DDOST: variants seen among roughly 807,000 people sequenced by gnomAD.
DDOST encodes dolichyl-diphosphooligosaccharide--protein glycosyltransferase non-catalytic subunit.
DDOST carries 25 observed loss-of-function variants against 47.6 expected under a neutral mutation model. The observed-to-expected ratio is 0.53, with a 90% confidence interval of 0.38 to 0.73. DDOST has a LOEUF of 0.73. DDOST is among the 30% of genes least tolerant of loss of function. The pLI, the probability that DDOST is intolerant of heterozygous loss-of-function variation, is 0.00. For missense variants in DDOST, 526 were observed against 573.9 expected (o/e 0.92, Z 0.85); for synonymous variants, 275 against 236.0 (o/e 1.17, Z -1.51).
chr1:20,655,511 A>G lies in DDOST; in HGVS notation c.480T>C (p.Thr160=). ...TGGTTGGGGCCTTCAGCAGGTTCTCAGTGTCAGCCACGATGAGCGTATGCT... is the reference window on the plus strand; with the variant it reads ...TGGTTGGGGCCTTCAGCAGGTTCTCGGTGTCAGCCACGATGAGCGTATGCT... ...LGQHTLIVAD[T]ENLLKAPTIV... The change falls in exon 5 of 11, where the codon ACT becomes ACC. Residue 160 remains threonine, a synonymous_variant. Transcript: ENST00000602624. The G allele has an allele frequency of 6.2e-7, 1 of 1,614,052 alleles. No homozygotes were observed. The highest frequency in any genetic ancestry group is 8.5e-7 in the Non-Finnish European group (1 of 1,179,962).
chr1:20,652,960 G>C lies in DDOST; in HGVS notation c.954C>G (p.Ile318Met). The stretch of plus-strand genomic sequence containing the variant: ...TGCCATTTGAGAGCTGCTGGATCAC[G>C]ATGCTATACTCCTGAGATAAAAGGC... ...YTVTDLVEYS[I>M]VIQQLSNGKW... Residue 318 changes from isoleucine (I) to methionine (M), a missense_variant, in exon 9 of 11, where the codon ATC becomes ATG. Coordinates refer to ENST00000602624, the MANE Select transcript of DDOST (RefSeq NM_005216.5). 5.0e-6 allele frequency: 8 copies of C among 1,614,198 alleles called. No homozygotes were observed. The highest frequency in any genetic ancestry group is 6.8e-6 in the Non-Finnish European group (8 of 1,180,038).
chr1:20,651,847 CAG>C lies in DDOST; in HGVS notation c.*530_*531del, dbSNP rs1491459600. Reference sequence around the variant, plus strand: ...TTTATTTATTTATTTATATTTGAGACAGAGTCTTAACACTGTTGCCCAGGCTG... The same window carrying C: ...TTTATTTATTTATTTATATTTGAGACAGTCTTAACACTGTTGCCCAGGCTG... On this transcript the variant is annotated 3_prime_UTR_variant, in exon 11 of 11. Transcript: ENST00000602624. The C allele has an allele frequency of 8.0e-6, 1 of 125,022 alleles. No homozygotes were observed. Among genetic ancestry groups the C allele is most frequent in the East Asian group, 3.0e-4 (1 of 3,344 alleles). The allele number at this position is 125,022 out of a possible 1,614,324, so 7.7% of individuals were successfully genotyped here.
Position 20,654,177 on chromosome 1 carries a change from C to G in DDOST, c.794+46G>C, listed in dbSNP as rs1233592317. ...CTTCTGAGTCCTCCCCATATACACA[C>G]ACTGCACCACCCGGATCCCCGGCCC... On this transcript the variant is annotated intron_variant, in intron 7 of 10. Coordinates refer to ENST00000602624, the MANE Select transcript of DDOST (RefSeq NM_005216.5). The G allele has an allele frequency of 1.9e-6, 3 of 1,548,414 alleles. No homozygotes were observed. In the Admixed American group the frequency reaches 5.9e-5, roughly 30 times the overall value.
rs201875679 is a variant in DDOST, at chr1:20,652,732, G to A, written c.1064-5C>T. On this transcript the variant is annotated splice_polypyrimidine_tract_variant and splice_region_variant and intron_variant, in intron 9 of 10. Transcript: ENST00000602624. ...ACTGAACACTGTATTTGCCACCTGC[G>A]GAAGAACCAACAAGAATAACCGGGA... is the stretch of plus-strand genomic sequence containing the variant. 2.1e-5 allele frequency: 34 copies of A among 1,613,944 alleles called. No homozygotes were observed. In the Middle Eastern group the frequency reaches 4.9e-4, roughly 23 times the overall value.
rs142441124 is a variant in DDOST at position 20,652,478 on chromosome 1, C to G, written c.1221G>C (p.Ser407=). 6.2e-7 allele frequency: 1 copy of G among 1,613,916 alleles called. No homozygotes were observed. The highest frequency in any genetic ancestry group is 8.5e-7 in the Non-Finnish European group (1 of 1,179,964). ...QHTQYERFIP[S]AYPYYASAFS... ...AGGCGCTGGCGTAGTAGGGGTAGGC[C>G]GAGGGGATGAAGCGCTCATACTGCG... The change falls in exon 11 of 11, where the codon TCG becomes TCC. Residue 407 remains serine (S), a synonymous_variant. Coordinates refer to ENST00000602624, the MANE Select transcript of DDOST (RefSeq NM_005216.5).
intron 2 of DDOST, 113 bp downstream of exon 2, chr1:20,660,768 C>T (rs971661119): frequency 1.5e-6 from 1 of 667,242 alleles, no homozygotes; most frequent in Admixed American, 2.5e-5. Flanking sequence ...GTAGCACCAT[C>T]CAGGACTGGC....
Position 20,655,152 on chromosome 1 carries a change from G to T in DDOST, c.551+288C>A, listed in dbSNP as rs2874258. 0.12 allele frequency among the ~76,000 whole-genome samples: 17,646 copies of T among 148,104 alleles called. 1,086 individuals are homozygous for T. Among genetic ancestry groups the T allele is most frequent in the Non-Finnish European group, 0.14 (9,233 of 67,430 alleles). ...TGGGATTACAGGTGTGAGCCACTGC[G>T]CTCGGCCAACTTTTTTTTGTTTTTT... On this transcript the variant is annotated intron_variant, in intron 5 of 10. Coordinates refer to ENST00000602624, the MANE Select transcript of DDOST (RefSeq NM_005216.5).
Position 20,655,712 on chromosome 1 carries a change from A to G in DDOST, c.420T>C (p.Ile140=). ...IEFDEEKTAV[I]DHHNYDISDL... Reference sequence around the variant, plus strand: ...CTGAGATGTCATAGTTGTGATGGTCAATGACAGCCGTTTTCTCCTCGTCAA... The same window carrying G: ...CTGAGATGTCATAGTTGTGATGGTCGATGACAGCCGTTTTCTCCTCGTCAA... The change falls in exon 4 of 11, where the codon ATT becomes ATC. Residue 140 remains isoleucine (I), a synonymous_variant. Coordinates refer to ENST00000602624, the MANE Select transcript of DDOST (RefSeq NM_005216.5). 6.2e-7 allele frequency: 1 copy of G among 1,614,160 alleles called. No individual in the cohort carries two copies. Among genetic ancestry groups the G allele is most frequent in the Non-Finnish European group, 8.5e-7 (1 of 1,179,978 alleles).
At chr1:20,656,281 C>T (rs1393498501) in intron 2 of DDOST, 94 bp from the exon 3 acceptor site, 5 of 937,446 alleles carry the variant, frequency 5.3e-6, no homozygotes, top group South Asian at 1.4e-5. Context: ...AGAGCAGCCA[C>T]GATCACTCAC....
intron 5 of DDOST, among the ~76,000 whole-genome samples, 174 bp from the exon 6 acceptor site, chr1:20,654,881 G>C (rs1192344267): frequency 6.6e-6 from 1 of 151,900 alleles, no homozygotes; most frequent in Non-Finnish European, 1.5e-5. Flanking sequence ...TTGTTTTTCA[G>C]ACAGACCTCG....
rs2053432745 is a variant in DDOST, at chr1:20,661,340, C to A, written c.11G>T (p.Ser4Ile). MEPSTAARAWALFW... is the reference protein window; with the variant it reads MEPITAARAWALFW... Reference sequence around the variant, plus strand: ...GAGGGCCCAAGCCCGGGCCGCGGTGCTGGGCTCCATCTTCCTCCTCCTGCC... The same window carrying A: ...GAGGGCCCAAGCCCGGGCCGCGGTGATGGGCTCCATCTTCCTCCTCCTGCC... Residue 4 changes from serine to isoleucine, a missense_variant, in exon 1 of 11, where the codon AGC (serine) becomes ATC (isoleucine). Ser to Ile is a moderately radical substitution (Grantham distance 142, BLOSUM62 -2). Transcript: ENST00000602624. The A allele has an allele frequency of 3.7e-6, 6 of 1,612,658 alleles. No homozygotes were observed. The highest frequency in any genetic ancestry group is 5.1e-6 in the Non-Finnish European group (6 of 1,179,592).
At position 20,652,176 on chromosome 1, in the gene DDOST, C is replaced by CTT. The variant is rs1557570048; in HGVS notation, c.*201_*202dup. 1.9e-6 allele frequency: 1 copy of CTT among 515,510 alleles called. No homozygotes were observed. The highest frequency in any genetic ancestry group is 2.0e-5 in the African/African-American group (1 of 51,204). The allele number at this position is 515,510 out of a possible 1,614,324, so 31.9% of individuals were successfully genotyped here. A position where few individuals can be genotyped will look rare whatever the true frequency, so the allele number is the denominator to read the frequency against. ...GTGACTGCACATAGGAAAAATGCCACTTTTAGCAATTCAAAGTGGAAAAAC... is the reference window on the plus strand; with the variant it reads ...GTGACTGCACATAGGAAAAATGCCACTTTTTTAGCAATTCAAAGTGGAAAAAC... On this transcript the variant is annotated 3_prime_UTR_variant, in exon 11 of 11. Transcript: ENST00000602624.
chr1:20,652,641 G>A lies in DDOST; in HGVS notation c.1150C>T (p.His384Tyr). The A allele has an allele frequency of 2.5e-6, 4 of 1,614,212 alleles. No homozygotes were observed. The highest frequency in any genetic ancestry group is 1.3e-5 in the African/African-American group (1 of 75,062). ...CTTACCTGAGTGGAAGAGTACAGGT[G>A]TGTGTAGCCTAGCCGGTTGTAATCC... ...KVDYNRLGYT[H>Y]LYSSTQVSVR... Residue 384 changes from histidine to tyrosine, a missense_variant, in exon 10 of 11, where the codon CAC (histidine) becomes TAC (tyrosine). By Grantham distance (83) the His-to-Tyr change is moderately conservative (BLOSUM62 2). Coordinates refer to ENST00000602624, the MANE Select transcript of DDOST (RefSeq NM_005216.5).
chr1:20,654,264 G>A lies in DDOST; in HGVS notation c.753C>T (p.Phe251=), dbSNP rs1218315421. The A allele has an allele frequency of 6.4e-7, 1 of 1,551,716 alleles. No homozygotes were observed. The highest frequency in any genetic ancestry group is 2.0e-5 in the Admixed American group (1 of 51,044). ...CCGCCTTCTGCACTGCTGAGTTGAAGAAGGAGTCGCTGAAGAAGTCGAGGG... is the reference window on the plus strand; with the variant it reads ...CCGCCTTCTGCACTGCTGAGTTGAAAAAGGAGTCGCTGAAGAAGTCGAGGG... ...SGSLDFFSDS[F]FNSAVQKAAP... is the part of the protein sequence containing the mutation. The change falls in exon 7 of 11, where the codon TTC becomes TTT. Residue 251 remains phenylalanine, a synonymous_variant. Coordinates refer to ENST00000602624, the MANE Select transcript of DDOST (RefSeq NM_005216.5).
rs563855414 is a variant in DDOST, at chr1:20,659,109, C to T, written c.265+1772G>A. ...CTGGACTCAAGCAATCCTTCTGCCT[C>T]GGCCTCCCAAAGTGATGGGATTACA... On this transcript the variant is annotated intron_variant, in intron 2 of 10. Transcript: ENST00000602624. Among the ~76,000 whole-genome samples the T allele has an allele frequency of 1.1e-4, 17 of 151,632 alleles. No individual in the cohort carries two copies. The South Asian group carries it at 2.5e-3, about 22-fold the overall frequency.
Position 20,656,100 on chromosome 1 carries a change from C to T in DDOST, c.352+1G>A, listed in dbSNP as rs1446788399. 5 of 1,613,120 alleles carry T rather than the reference C, an allele frequency of 3.1e-6. No individual in the cohort carries two copies. The highest frequency in any genetic ancestry group is 4.2e-6 in the Non-Finnish European group (5 of 1,179,098). On this transcript the variant is annotated splice_donor_variant, in intron 3 of 10. Coordinates refer to ENST00000602624, the MANE Select transcript of DDOST (RefSeq NM_005216.5). LOFTEE classifies it high-confidence loss of function. ...ACCAGAACCTCCCAGGTCGGACTCACCAATGTCGGAGCTGGCAGCTACCAG... is the reference window on the plus strand; with the variant it reads ...ACCAGAACCTCCCAGGTCGGACTCATCAATGTCGGAGCTGGCAGCTACCAG...
intron 8 of DDOST, 60 bp downstream of exon 8, chr1:20,653,567 G>T: frequency 6.7e-7 from 1 of 1,494,846 alleles, no homozygotes; most frequent in South Asian, 1.3e-5. Context: ...AAGTGCTTCT[G>T]AGCTGAGCTC....
chr1:20,656,642 G>C (rs2053377605), intron 2 of DDOST, among the ~76,000 whole-genome samples: 1 of 152,146 alleles, frequency 6.6e-6, no homozygotes, highest in Admixed American at 6.5e-5. Context: ...TGCATCTCCA[G>C]TGATGCCATC....
rs1239372453 is a variant in DDOST, at chr1:20,656,127, A to G, written c.326T>C (p.Val109Ala). 1 of 1,614,158 alleles carries G rather than the reference A, an allele frequency of 6.2e-7. No homozygotes were observed. Residue 109 changes from valine (V) to alanine (A), a missense_variant, in exon 3 of 11, where the codon GTG becomes GCG. Transcript: ENST00000602624. ...AATGTCGGAGCTGGCAGCTACCAGC[A>G]CACTGCCTCCGCCGTCAATAAAGGC... ...ISAFIDGGGS[V>A]LVAASSDIGD...
Sources: gnomAD v4.1 joint callset for allele counts (sites outside exome capture counted in the v4.1 genomes callset) on GRCh38, gnomAD v4.1.1 for gene constraint, MANE v1.5 for transcripts, NCBI Gene and HGNC (gene_info 2026-07-23, HGNC 2026-07-21) for gene names.